The following CACNA1A variants were observed in gnomAD, a reference collection of about 807,000 sequenced individuals.
CACNA1A encodes voltage-dependent P/Q-type calcium channel subunit alpha-1A.
A neutral mutation model predicts 262.4 loss-of-function variants in CACNA1A; 57 were observed. The observed-to-expected ratio is 0.22, with a 90% CI of 0.18 to 0.27. The LOEUF is 0.27. Among genes scored for constraint, CACNA1A ranks in the 10% least tolerant of loss-of-function variants. CACNA1A has a pLI of 1.00. For missense variants in CACNA1A, 2,526 were observed against 3,562.8 expected, an observed-to-expected ratio of 0.71 and a Z score of 7.41; for synonymous variants, 1,431 against 1,419.3, an observed-to-expected ratio of 1.01 and a Z score of -0.18.
At chr19:13,480,929 ATTG>A (rs1395068339) in intron 1 of CACNA1A, among the ~76,000 whole-genome samples, 4 of 152,054 alleles carry the variant, frequency 2.6e-5, no homozygotes, top group Non-Finnish European at 5.9e-5. Flanking sequence ...CAATATTATT[ATTG>A]TTGTTATTAT....
intron 36 of CACNA1A, 73 bp downstream of exon 36, chr19:13,230,009 C>G: frequency 2.6e-6 from 4 of 1,543,916 alleles, no homozygotes; most frequent in Middle Eastern, 1.9e-4. Flanking sequence ...GAGTCTGGGG[C>G]CTGACCTAGC....
chr19:13,359,316 T>C (rs529247018), intron 6 of CACNA1A, among the ~76,000 whole-genome samples: 44 of 152,348 alleles, frequency 2.9e-4, no homozygotes, highest in African/African-American at 1.0e-3. Flanking sequence ...TCACATAACC[T>C]TTCCGTATTC....
At chr19:13,410,544 T>TC (rs1007041857) in intron 3 of CACNA1A, among the ~76,000 whole-genome samples, 8 of 97,764 alleles carry the variant, frequency 8.2e-5, no homozygotes, top group African/African-American at 6.0e-4. Flanking sequence ...TTTTTTCTTT[T>TC]TTTTTTTTTT....
chr19:13,464,041 C>A (rs553051755), intron 1 of CACNA1A, among the ~76,000 whole-genome samples: 48 of 152,214 alleles, frequency 3.2e-4, no homozygotes, highest in African/African-American at 1.1e-3. Flanking sequence ...ATAGTAAGTG[C>A]TCAAGGAATG....
intron 3 of CACNA1A, among the ~76,000 whole-genome samples, chr19:13,398,762 G>A (rs913974693): frequency 4.6e-5 from 7 of 152,218 alleles, no homozygotes; most frequent in Non-Finnish European, 8.8e-5. Context: ...AGGATTCAAC[G>A]TGATCATTCA....
chr19:13,500,402 C>G (rs1229263435), intron 1 of CACNA1A, among the ~76,000 whole-genome samples: 1 of 152,114 alleles, frequency 6.6e-6, no homozygotes, highest in Non-Finnish European at 1.5e-5. Flanking sequence ...CCCCTTCTTT[C>G]TCTCTCTCTA....
In CACNA1A at chr19:13,241,325, G is replaced by C. The variant is rs542094461; in HGVS notation, c.4950+3857C>G. Among the ~76,000 whole-genome samples, 5 of 152,084 alleles carry C rather than the reference G, an allele frequency of 3.3e-5. No homozygotes were observed. Among genetic ancestry groups the C allele is most frequent in the Non-Finnish European group, 7.4e-5 (5 of 68,012 alleles). ...CCATTCAGAACCCGATAAAAACAGA[G>C]AGACAGAGTCTACAGGAAGTGGGAG... On this transcript the variant is annotated intron_variant, in intron 31 of 46. Transcript: ENST00000360228. This position sits in a 1 kb window ranked among gnomAD's most constrained non-coding sequence, Gnocchi z 4.0.
At chr19:13,463,438 C>A (rs918248134) in intron 1 of CACNA1A, among the ~76,000 whole-genome samples, 13 of 152,166 alleles carry the variant, frequency 8.5e-5, no homozygotes, top group African/African-American at 3.1e-4. Context: ...CGCTGATCAG[C>A]CTAAGACTCT....
At chr19:13,209,081 AGGCCACCTGGAAGGTGTGGG>A in intron 45 of CACNA1A, 72 bp from the exon 46 acceptor site, 1 of 1,529,010 alleles carries the variant, frequency 6.5e-7, no homozygotes, top group Non-Finnish European at 8.8e-7. Flanking sequence ...CACACACAGG[AGGCCACCTGGAAGGTGTGGG>A]GGCCCTAGAG....
At chr19:13,432,207 G>C (rs1018175424) in intron 3 of CACNA1A, among the ~76,000 whole-genome samples, 1 of 151,054 alleles carries the variant, frequency 6.6e-6, no homozygotes. Flanking sequence ...TGGAGGTCAG[G>C]AGTTCCAGAC....
chr19:13,265,732 G>A (rs2056846594), intron 24 of CACNA1A, among the ~76,000 whole-genome samples: 2 of 152,070 alleles, frequency 1.3e-5, no homozygotes, highest in South Asian at 4.1e-4. Flanking sequence ...GAGAAAGGAA[G>A]CCTCAGGTAG....
Position 13,352,051 on chromosome 19 carries a change from G to A in CACNA1A, c.978+7555C>T, listed in dbSNP as rs2058920938. 2.0e-5 allele frequency among the ~76,000 whole-genome samples: 3 copies of A among 152,120 alleles called. No homozygotes were observed. In the South Asian group the frequency reaches 6.2e-4, roughly 32 times the overall value. ...CCTAGGACACTGTTTGCCTAAGAAA[G>A]GTTCATTCTCCTCCCTTTCTCCCTG... is the stretch of plus-strand genomic sequence containing the variant. On this transcript the variant is annotated intron_variant, in intron 6 of 46. Coordinates refer to ENST00000360228, the MANE Select transcript of CACNA1A (RefSeq NM_001127222.2).
At chr19:13,271,217 T>TTTTTTTTTG in intron 24 of CACNA1A, 1 of 41,120 alleles carries the variant, frequency 2.4e-5, no homozygotes, top group African/African-American at 1.3e-4. Context: ...TTCTGCTGTT[T>TTTTTTTTTG]TTTTTTTTTT....
chr19:13,401,782 G>A (rs951623695), intron 3 of CACNA1A, among the ~76,000 whole-genome samples: 6 of 152,124 alleles, frequency 3.9e-5, no homozygotes, highest in South Asian at 4.1e-4. Context: ...GCATGGAGTC[G>A]AGCCATATTT....
chr19:13,312,000 G>A (rs577636386), intron 12 of CACNA1A, among the ~76,000 whole-genome samples: 1 of 152,248 alleles, frequency 6.6e-6, no homozygotes, highest in African/African-American at 2.4e-5. Context: ...GGACATTCTG[G>A]CCTGTGTCTC....
rs200166456 is a variant in CACNA1A, at chr19:13,444,405, CA to C, written c.539+8470del. The stretch of plus-strand genomic sequence containing the variant: ...GGCAACTAAGAGCAGGTGCATGGGG[CA>C]GGGGTGAAGAAAGAAAGGAGGTAAG... On this transcript the variant is annotated intron_variant, in intron 3 of 46. Coordinates refer to ENST00000360228, the MANE Select transcript of CACNA1A (RefSeq NM_001127222.2). Among the ~76,000 whole-genome samples the C allele has an allele frequency of 1.4e-4, 22 of 152,190 alleles. No homozygotes were observed. The East Asian group carries it at 3.9e-3, about 27-fold the overall frequency.
At position 13,253,042 on chromosome 19, in the gene CACNA1A, G is replaced by A. The variant is rs540897940; in HGVS notation, c.4815C>T (p.Thr1605=). 6.2e-7 allele frequency: 1 copy of A among 1,613,770 alleles called. No individual in the cohort carries two copies. The highest frequency in any genetic ancestry group is 1.1e-5 in the South Asian group (1 of 91,068). The change falls in exon 30 of 47, where the codon ACC becomes ACT. Residue 1605 remains threonine, a synonymous_variant. Transcript: ENST00000360228. ...NALRVFNIVF[T]SLFSLECVLK... is the part of the protein sequence containing the mutation. ...GCACACATTCCAGAGAGAAGAGGGA[G>A]GTGAAGACGATGTTGAACACCCGCA...
rs1476790865 is a variant in CACNA1A, at chr19:13,209,019, G to T, written c.6527-10C>A. 1 of 1,537,028 alleles carries T rather than the reference G, an allele frequency of 6.5e-7. No homozygotes were observed. The highest frequency in any genetic ancestry group is 8.7e-7 in the Non-Finnish European group (1 of 1,146,906). ...AGGTCTGTCCCCAAGCCTGGGCCGGGTGAGGGTCAGACAGACACACAGGTG... is the reference window on the plus strand; with the variant it reads ...AGGTCTGTCCCCAAGCCTGGGCCGGTTGAGGGTCAGACAGACACACAGGTG... On this transcript the variant is annotated splice_polypyrimidine_tract_variant and intron_variant, in intron 45 of 46. Coordinates refer to ENST00000360228, the MANE Select transcript of CACNA1A (RefSeq NM_001127222.2).
chr19:13,376,880 CATGAT>C (rs1388525578), intron 3 of CACNA1A, among the ~76,000 whole-genome samples: 2 of 138,670 alleles, frequency 1.4e-5, no homozygotes, highest in South Asian at 4.3e-4. Context: ...ATATATAACA[CATGAT>C]ATATGTTATA....
Sources: allele counts gnomAD v4.1 joint callset (sites outside exome capture counted in the v4.1 genomes callset), GRCh38; gene constraint gnomAD v4.1.1; non-coding constraint Gnocchi (gnomAD v3.1); transcripts MANE v1.5; gene names NCBI Gene and HGNC (gene_info 2026-07-23, HGNC 2026-07-21).